The following CSNK2A1 variants were observed in gnomAD, a reference collection of about 807,000 sequenced individuals.
CSNK2A1 encodes casein kinase II subunit alpha.
CSNK2A1 carries 10 observed loss-of-function variants against 62.9 expected under a neutral mutation model. The observed-to-expected ratio is 0.16, with a 90% CI of 0.10 to 0.27. The LOEUF (loss-of-function observed/expected upper bound fraction) is 0.27. CSNK2A1 is among the 10% of genes least tolerant of loss of function. The pLI is 1.00. For synonymous variants in CSNK2A1, 124 were observed against 167.8 expected (o/e 0.74, Z 2.02); for missense variants, 160 against 492.0 (o/e 0.33, Z 6.38).
intron 1 of CSNK2A1, among the ~76,000 whole-genome samples, chr20:540,498 CAG>C (rs1416517218): frequency 6.6e-6 from 1 of 152,176 alleles, no homozygotes. Context: ...CCCTCACTAG[CAG>C]AGTCATTAAC....
At chr20:501,823 T>A (rs1037704432) in intron 4 of CSNK2A1, 3 of 152,320 alleles carry the variant, frequency 2.0e-5, no homozygotes, top group Admixed American at 6.5e-5. Flanking sequence ...TGGATTTTTT[T>A]AATATACAGA....
intron 2 of CSNK2A1, among the ~76,000 whole-genome samples, chr20:527,533 A>G (rs1457511409): frequency 2.0e-5 from 3 of 152,184 alleles, no homozygotes; most frequent in African/African-American, 7.2e-5. Context: ...CAAACTTTAC[A>G]TCCACTATGA....
intron 2 of CSNK2A1, among the ~76,000 whole-genome samples, chr20:509,304 A>C (rs2018668425): frequency 6.6e-6 from 1 of 152,236 alleles, no homozygotes; most frequent in Non-Finnish European, 1.5e-5. Context: ...TTTATATTTA[A>C]TACAGGAGCT....
chr20:485,247 G>A lies in CSNK2A1; in HGVS notation c.1060+1129C>T, dbSNP rs189573984. 9.3e-5 allele frequency among the ~76,000 whole-genome samples: 14 copies of A among 149,974 alleles called. No homozygotes were observed. In the East Asian group the frequency reaches 1.2e-3, roughly 13 times the overall value. On this transcript the variant is annotated intron_variant, in intron 13 of 13. Transcript: ENST00000217244. Reference sequence around the variant, plus strand: ...CACCCAGGCTGGAGGGCAACGGTGCGATCTCGGCTCACTGCAACCTCTGCC... The same window carrying A: ...CACCCAGGCTGGAGGGCAACGGTGCAATCTCGGCTCACTGCAACCTCTGCC...
chr20:478,373 G>A lies in CSNK2A1; in HGVS notation c.*5588C>T, dbSNP rs911908841. ...ACAGAAGCAAGGTCCTCTCCTTCTA[G>A]GTATGGCTAGAAATGTTTATCAATA... On this transcript the variant is annotated 3_prime_UTR_variant, in exon 14 of 14. Transcript: ENST00000217244. 6 of 213,032 alleles carry A rather than the reference G, an allele frequency of 2.8e-5. No individual in the cohort carries two copies. The highest frequency in any genetic ancestry group is 4.9e-5 in the Non-Finnish European group (5 of 102,582). 13.2% of individuals were successfully genotyped at this position (213,032 alleles called of 1,614,324 possible). A position where few individuals can be genotyped will look rare whatever the true frequency, so the allele number is the denominator to read the frequency against.
intron 6 of CSNK2A1, chr20:498,184 AC>A: frequency 5.9e-6 from 1 of 169,638 alleles, no homozygotes. Context: ...CCTGCAGATC[AC>A]CAGTGGGTAT....
chr20:508,229 T>G, intron 3 of CSNK2A1: 1 of 481,820 alleles, frequency 2.1e-6, no homozygotes, highest in Non-Finnish European at 3.7e-6. Flanking sequence ...GAAACTAAAA[T>G]GATTTTTAAA....
chr20:499,416 G>T lies in CSNK2A1; in HGVS notation c.316-111C>A. The T allele has an allele frequency of 1.1e-6, 1 of 934,778 alleles. No homozygotes were observed. Among genetic ancestry groups the T allele is most frequent in the Non-Finnish European group, 1.6e-6 (1 of 626,632 alleles). The allele number at this position is 934,778 out of a possible 1,614,324, so 57.9% of individuals were successfully genotyped here. On this transcript the variant is annotated intron_variant, in intron 5 of 13. Transcript: ENST00000217244. The surrounding 1 kb of genome is among the most constrained non-coding windows in gnomAD (Gnocchi z 4.2). ...GTGAAATTTGGCAGTCCTCGCCTCA[G>T]TAGTAAGAAACCCTCTATTGCTACA...
intron 4 of CSNK2A1, chr20:501,854 T>C (rs2018478903): frequency 1.3e-5 from 2 of 152,198 alleles, no homozygotes. Context: ...CCACCAAGAT[T>C]CACTAAATCA....
intron 10 of CSNK2A1, 40 bp from the exon 11 acceptor site, chr20:488,818 A>G (rs1490366169): frequency 6.5e-7 from 1 of 1,537,486 alleles, no homozygotes; most frequent in Non-Finnish European, 8.9e-7. Context: ...TCACAAGCAT[A>G]TTATATTAAC....
At chr20:524,848 G>A (rs7270341) in intron 2 of CSNK2A1, among the ~76,000 whole-genome samples, 5,874 of 152,068 alleles carry the variant, frequency 0.039, 397 homozygotes, top group African/African-American at 0.13. Context: ...TAAGAGCTGG[G>A]CACAGCTCAG....
In CSNK2A1 at chr20:479,790, G is replaced by A. The variant is rs2017919152; in HGVS notation, c.*4171C>T. Reference sequence around the variant, plus strand: ...GTCTGAATTTCGTATTACACGTTGAGCATTTCTAATTTGAAAATACAAAAT... The same window carrying A: ...GTCTGAATTTCGTATTACACGTTGAACATTTCTAATTTGAAAATACAAAAT... On this transcript the variant is annotated 3_prime_UTR_variant, in exon 14 of 14. Transcript: ENST00000217244. The A allele has an allele frequency of 1.3e-5, 2 of 152,114 alleles. No individual in the cohort carries two copies. The highest frequency in any genetic ancestry group is 1.3e-4 in the Admixed American group (2 of 15,272). The allele number at this position is 152,114 out of a possible 1,614,324, so 9.4% of individuals were successfully genotyped here.
At chr20:489,437 T>C in intron 10 of CSNK2A1, 1 of 342,256 alleles carries the variant, frequency 2.9e-6, no homozygotes, top group East Asian at 4.4e-5. Context: ...TCAACCCATA[T>C]AAAGAGCCAA....
chr20:536,931 G>C (rs533854610), intron 1 of CSNK2A1, among the ~76,000 whole-genome samples: 3 of 152,172 alleles, frequency 2.0e-5, no homozygotes, highest in Admixed American at 2.0e-4. Flanking sequence ...TGACCATCTC[G>C]TATTTCTGGA....
intron 2 of CSNK2A1, among the ~76,000 whole-genome samples, chr20:518,889 T>G (rs898008833): frequency 6.6e-6 from 1 of 150,432 alleles, no homozygotes; most frequent in Non-Finnish European, 1.5e-5. Context: ...TCCTAGCAGA[T>G]CTCAAAAAAC....
At chr20:489,292 T>C (rs2018165904) in intron 10 of CSNK2A1, 2 of 174,972 alleles carry the variant, frequency 1.1e-5, no homozygotes, top group African/African-American at 4.7e-5. Context: ...CTCATTAAAA[T>C]TGGACATGGT....
intron 1 of CSNK2A1, among the ~76,000 whole-genome samples, chr20:533,552 G>C (rs2019255322): frequency 6.6e-6 from 1 of 152,156 alleles, no homozygotes; most frequent in Non-Finnish European, 1.5e-5. Context: ...GCAATGAGCC[G>C]AGATCATGTC....
chr20:519,688 A>T (rs986346648), intron 2 of CSNK2A1, among the ~76,000 whole-genome samples: 4 of 152,258 alleles, frequency 2.6e-5, no homozygotes, highest in Admixed American at 1.3e-4. Flanking sequence ...AAAAAAATAA[A>T]TAGCCGCCAA....
intron 2 of CSNK2A1, among the ~76,000 whole-genome samples, chr20:523,476 CT>C (rs1352965831): frequency 6.6e-6 from 1 of 152,200 alleles, no homozygotes; most frequent in Non-Finnish European, 1.5e-5. Context: ...TAAAAAGGAA[CT>C]AACCATTTAC....
Sources: gnomAD v4.1 joint callset for allele counts (sites outside exome capture counted in the v4.1 genomes callset) on GRCh38, gnomAD v4.1.1 for gene constraint, Gnocchi (gnomAD v3.1) non-coding constraint, MANE v1.5 for transcripts, NCBI Gene and HGNC (gene_info 2026-07-23, HGNC 2026-07-21) for gene names.